Variants in DOP1B observed in about 807,000 individuals in gnomAD.
The protein encoded by DOP1B is protein DOP1B.
In DOP1B, 174 loss-of-function variants were observed where a neutral mutation model predicts 233.5. That is an observed-to-expected ratio of 0.75 (90% CI 0.66 to 0.85). The LOEUF (loss-of-function observed/expected upper bound fraction) is 0.85, where lower values mean the gene tolerates loss of function less well. Ranked by LOEUF, DOP1B falls within the 40% of genes least tolerant of loss-of-function variation. The probability of loss-of-function intolerance (pLI) is 0.00; values close to 1 mark genes in which losing one functional copy is unlikely to be tolerated. For missense variants in DOP1B, 2,652 were observed against 2,846.6 expected (o/e 0.93, Z 1.56); for synonymous variants, 1,190 against 1,185.6 (o/e 1.00, Z -0.08).
chr21:36,217,350 C>A (rs1481439759), intron 9 of DOP1B, among the ~76,000 whole-genome samples: 1 of 152,198 alleles, frequency 6.6e-6, no homozygotes, highest in East Asian at 1.9e-4. Flanking sequence ...GATTTACATA[C>A]ATCCTTTTAT....
intron 27 of DOP1B, among the ~76,000 whole-genome samples, chr21:36,273,030 A>G (rs1168358849): frequency 6.8e-6 from 1 of 147,738 alleles, no homozygotes; most frequent in Non-Finnish European, 1.5e-5. Flanking sequence ...ACAAAAGGGG[A>G]GGCAGAGGTT....
rs1206173682 is a variant in DOP1B, at chr21:36,294,210, T to C, written c.*639T>C. 2 of 152,660 alleles carry C rather than the reference T, an allele frequency of 1.3e-5. No homozygotes were observed. Among genetic ancestry groups the C allele is most frequent in the Non-Finnish European group, 2.9e-5 (2 of 68,084 alleles). The allele number at this position is 152,660 out of a possible 1,614,324, so 9.5% of individuals were successfully genotyped here. The stretch of plus-strand genomic sequence containing the variant: ...GTTGAAGCAGTTATATGGGTCTTTC[T>C]CAGTATATTTCTCTTTTCTCTAAAA... On this transcript the variant is annotated 3_prime_UTR_variant, in exon 37 of 37. Coordinates refer to ENST00000691173, the MANE Select transcript of DOP1B (RefSeq NM_001320714.2).
intron 2 of DOP1B, among the ~76,000 whole-genome samples, chr21:36,189,045 C>A (rs771233099): frequency 2.6e-5 from 4 of 151,880 alleles, no homozygotes; most frequent in Non-Finnish European, 5.9e-5. Flanking sequence ...CCATGTGTAG[C>A]CTTTTGGAAT....
At chr21:36,208,318 C>T (rs2835319) in intron 4 of DOP1B, among the ~76,000 whole-genome samples, 31,123 of 152,170 alleles carry the variant, frequency 0.2, 3,707 homozygotes, top group African/African-American at 0.32. Flanking sequence ...TTTTGATACA[C>T]CAATGGCTCC....
At chr21:36,173,482 C>G (rs980177316) in intron 2 of DOP1B, among the ~76,000 whole-genome samples, 7 of 149,904 alleles carry the variant, frequency 4.7e-5, no homozygotes, top group Non-Finnish European at 1.0e-4. Flanking sequence ...AGTGCAGCGG[C>G]CCCGTCTTGG....
intron 23 of DOP1B, among the ~76,000 whole-genome samples, chr21:36,254,541 C>T (rs1280260399): frequency 6.6e-6 from 1 of 152,120 alleles, no homozygotes; most frequent in Non-Finnish European, 1.5e-5. Context: ...GAGGCTCCTA[C>T]CCTCCCACAG....
chr21:36,208,018 G>A (rs1414561672), intron 4 of DOP1B, among the ~76,000 whole-genome samples: 1 of 152,194 alleles, frequency 6.6e-6, no homozygotes, highest in African/African-American at 2.4e-5. Context: ...GCATGAGAAG[G>A]TGCTGACTTT....
Position 36,263,769 on chromosome 21 carries a change from A to G in DOP1B, c.5442A>G (p.Thr1814=), listed in dbSNP as rs1435047434. 1 of 1,614,246 alleles carries G rather than the reference A, an allele frequency of 6.2e-7. No homozygotes were observed. Residue 1814 remains threonine, a synonymous_variant, in exon 26 of 37, where the codon ACA becomes ACG. Coordinates refer to ENST00000691173, the MANE Select transcript of DOP1B (RefSeq NM_001320714.2). ...LLLSMLNDFV[T]RTPNLENKKD... is the part of the protein sequence containing the mutation. ...ACAGCATGCTGAATGACTTTGTAAC[A>G]AGAACTCCCAACCTGGAAAACAAGA...
chr21:36,232,349 A>T (rs1246169250), intron 14 of DOP1B, among the ~76,000 whole-genome samples: 2 of 152,214 alleles, frequency 1.3e-5, no homozygotes, highest in African/African-American at 4.8e-5. Flanking sequence ...AATTTGTCTC[A>T]TAGTTCTGGA....
intron 18 of DOP1B, among the ~76,000 whole-genome samples, chr21:36,242,151 CATTATTATTATT>C (rs78154894): frequency 4.2e-5 from 6 of 143,962 alleles, no homozygotes; most frequent in Admixed American, 1.4e-4. Context: ...GTTCCTTGGG[CATTATTATTATT>C]ATTATTATTA....
At chr21:36,227,647 A>G (rs1334146775) in intron 12 of DOP1B, 39 bp from the exon 13 acceptor site, 2 of 1,439,488 alleles carry the variant, frequency 1.4e-6, no homozygotes, top group Admixed American at 5.0e-5. Context: ...CTGATTGTGA[A>G]CCAACATTGT....
intron 1 of DOP1B, among the ~76,000 whole-genome samples, chr21:36,164,369 G>A (rs186223730): frequency 1.3e-5 from 2 of 152,272 alleles, no homozygotes; most frequent in East Asian, 1.9e-4. Flanking sequence ...GGGAGGGGCT[G>A]TGCTCATTTA....
At chr21:36,227,533 C>T (rs1157742727) in intron 12 of DOP1B, among the ~76,000 whole-genome samples, 153 bp from the exon 13 acceptor site, 2 of 143,114 alleles carry the variant, frequency 1.4e-5, no homozygotes, top group Non-Finnish European at 3.1e-5. Context: ...GGCTACAGAG[C>T]AAGACTCTGT....
chr21:36,210,142 C>T (rs2066478385), intron 5 of DOP1B, among the ~76,000 whole-genome samples: 1 of 149,196 alleles, frequency 6.7e-6, no homozygotes, highest in Admixed American at 6.6e-5. Flanking sequence ...TCTTCCCATC[C>T]CAAATCTGCT....
At chr21:36,256,425 A>G (rs2067098006) in intron 23 of DOP1B, among the ~76,000 whole-genome samples, 2 of 152,210 alleles carry the variant, frequency 1.3e-5, no homozygotes, top group South Asian at 2.1e-4. Context: ...TGGGTGACAG[A>G]GTGAGACCCT....
chr21:36,292,617 T>G (rs2067573149), intron 36 of DOP1B, among the ~76,000 whole-genome samples: 1 of 149,324 alleles, frequency 6.7e-6, no homozygotes, highest in Non-Finnish European at 1.5e-5. Context: ...TTGGGTTTTT[T>G]TTTTTTTTTT....
At chr21:36,169,446 G>T (rs1056227463) in intron 2 of DOP1B, 33 of 1,061,164 alleles carry the variant, frequency 3.1e-5, no homozygotes, top group South Asian at 7.6e-5. Flanking sequence ...CACAGGCCTC[G>T]GTGGGTCTTG....
intron 15 of DOP1B, among the ~76,000 whole-genome samples, chr21:36,234,376 G>A (rs1215974464): frequency 1.3e-5 from 2 of 152,146 alleles, no homozygotes; most frequent in Non-Finnish European, 1.5e-5. Context: ...TTGAGATCAT[G>A]AATCTTTGGA....
intron 1 of DOP1B, among the ~76,000 whole-genome samples, chr21:36,162,434 A>T (rs2065877404): frequency 6.6e-6 from 1 of 152,138 alleles, no homozygotes; most frequent in African/African-American, 2.4e-5. Context: ...GACTCAAGTG[A>T]TCCACCTGCT....
Sources: allele counts gnomAD v4.1 joint callset (sites outside exome capture counted in the v4.1 genomes callset), GRCh38; gene constraint gnomAD v4.1.1; transcripts MANE v1.5; gene names NCBI Gene and HGNC (gene_info 2026-07-23, HGNC 2026-07-21).